Variants in NOL4 observed in about 807,000 individuals in gnomAD.
NOL4 encodes the protein cancer/testis antigen 125.
NOL4 carries 17 observed loss-of-function variants against 75.9 expected under a neutral mutation model. The ratio of observed to expected loss-of-function variants is 0.22; its 90% CI spans 0.15 to 0.34. The LOEUF (loss-of-function observed/expected upper bound fraction) is 0.34, where lower values mean the gene tolerates loss of function less well. Ranked by LOEUF, NOL4 falls within the 10% of genes least tolerant of loss-of-function variation. The pLI, the probability that NOL4 is intolerant of heterozygous loss-of-function variation, is 1.00. For missense variants in NOL4, 614 were observed against 793.5 expected, an observed-to-expected ratio of 0.77 and a Z score of 2.72; for synonymous variants, 292 against 289.9, an observed-to-expected ratio of 1.01 and a Z score of -0.07.
chr18:33,945,450 T>C (rs1173145283), intron 8 of NOL4, among the ~76,000 whole-genome samples: 1 of 151,860 alleles, frequency 6.6e-6, no homozygotes, highest in Admixed American at 6.6e-5. Context: ...CAAATTCTTA[T>C]TAATTTTTAA....
chr18:33,978,017 C>G (rs2071641285), intron 6 of NOL4, among the ~76,000 whole-genome samples: 1 of 152,068 alleles, frequency 6.6e-6, no homozygotes, highest in Non-Finnish European at 1.5e-5. Context: ...CTGCATTTTT[C>G]TCTCCATGCA....
chr18:34,147,463 A>T (rs2081450946), intron 1 of NOL4, among the ~76,000 whole-genome samples: 1 of 152,120 alleles, frequency 6.6e-6, no homozygotes, highest in Admixed American at 6.6e-5. Context: ...TTCTCCATCT[A>T]TTGAGATAAT....
intron 10 of NOL4, among the ~76,000 whole-genome samples, chr18:33,866,666 G>A (rs1043918251): frequency 6.6e-6 from 1 of 152,134 alleles, no homozygotes; most frequent in Non-Finnish European, 1.5e-5. Flanking sequence ...CCTAAAGTGA[G>A]AATCAGTGTC....
intron 9 of NOL4, among the ~76,000 whole-genome samples, chr18:33,915,048 T>G (rs2066630967): frequency 6.6e-6 from 1 of 151,946 alleles, no homozygotes; most frequent in Non-Finnish European, 1.5e-5. Flanking sequence ...CATAGGCAAG[T>G]GAGATGGAAC....
intron 1 of NOL4, among the ~76,000 whole-genome samples, chr18:34,153,082 A>C (rs1242437973): frequency 1.3e-5 from 2 of 151,862 alleles, no homozygotes; most frequent in Non-Finnish European, 2.9e-5. Flanking sequence ...TGTAGGAAAC[A>C]ACGGGGTTGT....
At chr18:33,913,627 GA>G (rs1217201339) in intron 9 of NOL4, among the ~76,000 whole-genome samples, 7 of 152,066 alleles carry the variant, frequency 4.6e-5, no homozygotes, top group Non-Finnish European at 1.0e-4. Context: ...CATTATGGTA[GA>G]AAAAATGCAG....
At chr18:33,949,959 C>T (rs1265371910) in intron 8 of NOL4, among the ~76,000 whole-genome samples, 2 of 151,838 alleles carry the variant, frequency 1.3e-5, no homozygotes, top group Non-Finnish European at 2.9e-5. Context: ...ATTTTAACTA[C>T]ATGATCCTTT....
At chr18:34,131,073 GACACACACACAC>G (rs35968611) in intron 1 of NOL4, among the ~76,000 whole-genome samples, 2 of 145,324 alleles carry the variant, frequency 1.4e-5, no homozygotes, top group African/African-American at 2.5e-5. Context: ...CACATACACC[GACACACACACAC>G]ACACACACAC....
At chr18:34,216,484 CAG>C (rs2036896258) in intron 1 of NOL4, among the ~76,000 whole-genome samples, 1 of 151,704 alleles carries the variant, frequency 6.6e-6, no homozygotes, top group Admixed American at 6.6e-5. Flanking sequence ...TCAAGGAATT[CAG>C]AGGTAAAGGA....
chr18:34,113,851 C>T (rs1387410126), intron 2 of NOL4, among the ~76,000 whole-genome samples: 1 of 152,116 alleles, frequency 6.6e-6, no homozygotes, highest in Admixed American at 6.6e-5. Flanking sequence ...CTCTATGACT[C>T]TTACCCTAAT....
intron 1 of NOL4, among the ~76,000 whole-genome samples, chr18:34,146,664 C>T (rs2081410342): frequency 2.0e-5 from 3 of 151,662 alleles, no homozygotes; most frequent in African/African-American, 7.3e-5. Context: ...TAGTGTGATG[C>T]CTCCAGCTTT....
At chr18:33,977,492 G>T (rs181613249) in intron 6 of NOL4, among the ~76,000 whole-genome samples, 2 of 151,954 alleles carry the variant, frequency 1.3e-5, no homozygotes, top group Non-Finnish European at 2.9e-5. Context: ...TTCCTCTTTC[G>T]CCTTCCACCA....
intron 8 of NOL4, among the ~76,000 whole-genome samples, chr18:33,945,195 T>C (rs566244499): frequency 5.3e-5 from 8 of 151,962 alleles, no homozygotes; most frequent in African/African-American, 1.7e-4. Flanking sequence ...CTTTTCTTAA[T>C]CCAATTATTG....
intron 1 of NOL4, among the ~76,000 whole-genome samples, chr18:34,147,883 C>G (rs1182117696): frequency 1.3e-5 from 2 of 152,236 alleles, no homozygotes; most frequent in South Asian, 2.1e-4. Context: ...ATTACTGCCT[C>G]AATTTCAGAA....
At chr18:34,192,501 A>G (rs1335807077) in intron 1 of NOL4, among the ~76,000 whole-genome samples, 1 of 152,234 alleles carries the variant, frequency 6.6e-6, no homozygotes, top group Admixed American at 6.5e-5. Flanking sequence ...GGTACTGGTA[A>G]TAAAAACAGA....
chr18:34,015,634 A>T (rs2074643467), intron 6 of NOL4, among the ~76,000 whole-genome samples: 1 of 152,012 alleles, frequency 6.6e-6, no homozygotes, highest in Non-Finnish European at 1.5e-5. Flanking sequence ...TGATCTTATC[A>T]ACCACCACAG....
intron 6 of NOL4, among the ~76,000 whole-genome samples, chr18:33,997,230 C>G (rs1174903246): frequency 6.6e-6 from 1 of 151,710 alleles, no homozygotes; most frequent in Non-Finnish European, 1.5e-5. Context: ...GGTTTTTAAT[C>G]CATCTTGGAT....
chr18:33,883,815 G>A (rs1333304658), intron 9 of NOL4, among the ~76,000 whole-genome samples: 1 of 152,064 alleles, frequency 6.6e-6, no homozygotes, highest in Non-Finnish European at 1.5e-5. Flanking sequence ...CTACAGCATG[G>A]ATGAACTTAA....
intron 1 of NOL4, among the ~76,000 whole-genome samples, chr18:34,204,947 T>C (rs891307449): frequency 3.9e-5 from 6 of 152,128 alleles, no homozygotes; most frequent in Non-Finnish European, 8.8e-5. Flanking sequence ...CCATTTCACA[T>C]ATATTGAGAA....
Sources: gnomAD v4.1 joint callset for allele counts (sites outside exome capture counted in the v4.1 genomes callset) on GRCh38, gnomAD v4.1.1 for gene constraint, MANE v1.5 for transcripts, NCBI Gene and HGNC (gene_info 2026-07-23, HGNC 2026-07-21) for gene names.